AGBL1: variants seen among roughly 807,000 people sequenced by gnomAD.
The protein encoded by AGBL1 is cytosolic carboxypeptidase 4.
AGBL1 carries 130 observed loss-of-function variants against 118.9 expected under a neutral mutation model. The ratio of observed to expected loss-of-function variants is 1.09; its 90% CI spans 0.95 to 1.26. The LOEUF is 1.26. AGBL1 is among the 50% of genes most tolerant of loss of function. The probability of loss-of-function intolerance (pLI) is 0.00; values close to 1 mark genes in which losing one functional copy is unlikely to be tolerated. For missense variants in AGBL1, 1,584 were observed against 1,298.1 expected (o/e 1.22, Z -3.38); for synonymous variants, 555 against 478.9 (o/e 1.16, Z -2.08).
At chr15:86,328,126 G>C (rs561718163) in intron 17 of AGBL1, among the ~76,000 whole-genome samples, 1 of 152,214 alleles carries the variant, frequency 6.6e-6, no homozygotes, top group Admixed American at 6.5e-5. Context: ...TGTTCCTATG[G>C]ATATTTGTTT....
intron 22 of AGBL1, among the ~76,000 whole-genome samples, chr15:86,690,526 C>T (rs2086145782): frequency 6.6e-6 from 1 of 152,098 alleles, no homozygotes; most frequent in Non-Finnish European, 1.5e-5. Context: ...CCCTAAATTC[C>T]TTATTAACAT....
intron 15 of AGBL1, among the ~76,000 whole-genome samples, chr15:86,274,643 A>G (rs1467413625): frequency 6.6e-6 from 1 of 152,156 alleles, no homozygotes; most frequent in Non-Finnish European, 1.5e-5. Context: ...TAACTAACAT[A>G]TAAAAACCGT....
chr15:86,307,108 G>T (rs1433389634), intron 17 of AGBL1, among the ~76,000 whole-genome samples: 1 of 150,554 alleles, frequency 6.6e-6, no homozygotes, highest in Non-Finnish European at 1.5e-5. Flanking sequence ...TAACTCTCTT[G>T]CCCCCCTCCA....
chr15:86,281,645 C>T (rs2079356932), intron 16 of AGBL1, among the ~76,000 whole-genome samples: 1 of 152,114 alleles, frequency 6.6e-6, no homozygotes, highest in African/African-American at 2.4e-5. Flanking sequence ...AGAACTGAGA[C>T]CGGAAGTCCC....
chr15:86,082,378 A>T (rs1429343770), intron 1 of AGBL1, among the ~76,000 whole-genome samples: 1 of 152,220 alleles, frequency 6.6e-6, no homozygotes, highest in African/African-American at 2.4e-5. Flanking sequence ...TGACAGACAG[A>T]AGGCTTTGAA....
intron 17 of AGBL1, among the ~76,000 whole-genome samples, chr15:86,335,839 C>T (rs779349134): frequency 6.6e-6 from 1 of 152,170 alleles, no homozygotes; most frequent in South Asian, 2.1e-4. Flanking sequence ...ATTCAGGACA[C>T]TCTACTCCTG....
intron 20 of AGBL1, among the ~76,000 whole-genome samples, chr15:86,549,048 C>T (rs977395170): frequency 6.6e-6 from 1 of 152,028 alleles, no homozygotes; most frequent in African/African-American, 2.4e-5. Context: ...ACGACAGCAC[C>T]AAGAAGATGA....
At chr15:86,480,484 C>T (rs1567016659) in intron 18 of AGBL1, among the ~76,000 whole-genome samples, 1 of 151,962 alleles carries the variant, frequency 6.6e-6, no homozygotes, top group Non-Finnish European at 1.5e-5. Context: ...AGGGAAATTG[C>T]ACCAGAAATG....
chr15:86,965,651 C>T (rs1457237999), intron 23 of AGBL1, among the ~76,000 whole-genome samples: 5 of 152,032 alleles, frequency 3.3e-5, no homozygotes, highest in African/African-American at 9.7e-5. Context: ...GGCACATATA[C>T]ACCGTGGAAT....
intron 19 of AGBL1, among the ~76,000 whole-genome samples, chr15:86,529,327 C>T (rs1454000462): frequency 7.4e-6 from 1 of 135,098 alleles, no homozygotes; most frequent in Non-Finnish European, 1.5e-5. Flanking sequence ...GCCTCAGGAG[C>T]CGATGCGATC....
rs372033432 is a variant in AGBL1, at chr15:86,498,895, A to G, written c.2556-23915A>G. Among the ~76,000 whole-genome samples the G allele has an allele frequency of 3.3e-5, 5 of 151,900 alleles. No individual in the cohort carries two copies. The East Asian group carries it at 5.8e-4, about 18-fold the overall frequency. On this transcript the variant is annotated intron_variant, in intron 18 of 22. Coordinates refer to ENST00000614907, the MANE Select transcript of AGBL1 (RefSeq NM_001386094.1). The stretch of plus-strand genomic sequence containing the variant: ...AGGCCTGAATTTTCCTTTCCGTATT[A>G]CTCTTCTCCTAAGGAATATGACCAT...
chr15:86,968,895 C>T (rs1368394202), intron 23 of AGBL1, among the ~76,000 whole-genome samples: 1 of 151,970 alleles, frequency 6.6e-6, no homozygotes, highest in African/African-American at 2.4e-5. Context: ...GGCAAGCAAG[C>T]TCCCACAGGC....
intron 1 of AGBL1, among the ~76,000 whole-genome samples, chr15:86,108,248 A>G (rs1897164377): frequency 6.6e-6 from 1 of 152,256 alleles, no homozygotes; most frequent in Non-Finnish European, 1.5e-5. Flanking sequence ...CAGGTTGAGC[A>G]TAATAGTAAT....
chr15:86,365,060 C>G (rs930409650), intron 17 of AGBL1, among the ~76,000 whole-genome samples: 1 of 146,292 alleles, frequency 6.8e-6, no homozygotes, highest in African/African-American at 2.5e-5. Flanking sequence ...TATATATACA[C>G]ATATATATAT....
chr15:86,627,836 G>A (rs1446663361), intron 21 of AGBL1, among the ~76,000 whole-genome samples: 1 of 152,216 alleles, frequency 6.6e-6, no homozygotes, highest in East Asian at 1.9e-4. Context: ...ATGCTGTGAT[G>A]AGTGCTGTTT....
intron 23 of AGBL1, among the ~76,000 whole-genome samples, chr15:86,921,363 C>A (rs1193948956): frequency 3.3e-5 from 5 of 152,114 alleles, no homozygotes; most frequent in Admixed American, 6.5e-5. Context: ...GGTCTACGTG[C>A]CAGTGTATCC....
rs560861387 is a variant in AGBL1, at chr15:86,893,322, A to C, written c.3159-13765A>C. Among the ~76,000 whole-genome samples the C allele has an allele frequency of 4.0e-4, 61 of 152,184 alleles. 1 individual carries two copies. Among genetic ancestry groups the C allele is most frequent in the Non-Finnish European group, 5.6e-4 (38 of 68,040 alleles). On this transcript the variant is annotated intron_variant, in intron 22 of 22. Coordinates refer to ENST00000614907, the MANE Select transcript of AGBL1 (RefSeq NM_001386094.1). ...TCACCCAAGTCTTGAGCATTACCTC[A>C]GCATTTAAAGAGAAAACAAGTGATA...
chr15:86,102,252 G>T (rs1896780298), intron 1 of AGBL1, among the ~76,000 whole-genome samples: 4 of 151,982 alleles, frequency 2.6e-5, no homozygotes. Flanking sequence ...CATTGGCCAG[G>T]CTGATCTCAA....
chr15:86,817,127 A>T (rs1390313503), intron 22 of AGBL1, among the ~76,000 whole-genome samples: 1 of 151,778 alleles, frequency 6.6e-6, no homozygotes, highest in African/African-American at 2.4e-5. Context: ...TCTCTACTAT[A>T]AAATACAAAA....
Sources: allele counts gnomAD v4.1 joint callset (sites outside exome capture counted in the v4.1 genomes callset), GRCh38; gene constraint gnomAD v4.1.1; transcripts MANE v1.5; gene names NCBI Gene and HGNC (gene_info 2026-07-23, HGNC 2026-07-21).